Variants in UBQLN4 observed in about 807,000 individuals in gnomAD.
UBQLN4 encodes ubiquilin 4, also known as ubiquilin-4.
In UBQLN4, 11 loss-of-function variants were observed where a neutral mutation model predicts 60.4. The observed-to-expected ratio is 0.18, with a 90% CI of 0.11 to 0.30. The LOEUF (loss-of-function observed/expected upper bound fraction) is 0.30. Ranked by LOEUF, UBQLN4 falls within the 10% of genes least tolerant of loss-of-function variation. The pLI, the probability that UBQLN4 is intolerant of heterozygous loss-of-function variation, is 1.00. For synonymous variants in UBQLN4, 258 were observed against 313.1 expected, an observed-to-expected ratio of 0.82 and a Z score of 1.86; for missense variants, 417 against 795.5, an observed-to-expected ratio of 0.52 and a Z score of 5.72.
chr1:156,033,269 G>A (rs1683325840), downstream of UBQLN4: 1 of 985,352 alleles, frequency 1.0e-6, no homozygotes, highest in Non-Finnish European at 1.2e-6. Flanking sequence ...GGGGCTCCAA[G>A]GAAAGCTCTG....
At position 156,051,093 on chromosome 1, in the gene UBQLN4, C is replaced by T. The variant is rs762009416; in HGVS notation, c.478+17G>A. 47 of 1,610,820 alleles carry T rather than the reference C, an allele frequency of 2.9e-5. No individual in the cohort carries two copies. In the Admixed American group the frequency reaches 7.9e-4, roughly 27 times the overall value. On this transcript the variant is annotated intron_variant, in intron 3 of 10. Transcript: ENST00000368309. ...CCAACCCCAAACAAGATTGTGCTCT[C>T]CTCTCTGAGGGCTTACAGAGTATGG... is the stretch of plus-strand genomic sequence containing the variant.
chr1:156,043,622 A>C (rs985652252), intron 6 of UBQLN4, among the ~76,000 whole-genome samples: 1 of 152,078 alleles, frequency 6.6e-6, no homozygotes, highest in African/African-American at 2.4e-5. Context: ...TCTTCTGTAC[A>C]TGGCAAGCCC....
At chr1:156,052,003 C>T (rs1029890536) in intron 1 of UBQLN4, 146 bp from the exon 2 acceptor site, 1 of 943,788 alleles carries the variant, frequency 1.1e-6, no homozygotes, top group African/African-American at 1.6e-5. Flanking sequence ...GCCATTCCTC[C>T]AGCTGCAATA....
chr1:156,046,141 C>T (rs1000033686), intron 5 of UBQLN4, among the ~76,000 whole-genome samples: 1 of 151,858 alleles, frequency 6.6e-6, no homozygotes, highest in Non-Finnish European at 1.5e-5. Context: ...CCACTACGCT[C>T]CACCAACTTG....
chr1:156,053,592 A>G lies in UBQLN4; in HGVS notation c.108+2T>C. The G allele has an allele frequency of 8.6e-7, 1 of 1,166,302 alleles. No homozygotes were observed. The highest frequency in any genetic ancestry group is 2.6e-5 in the South Asian group (1 of 38,232). The allele number at this position is 1,166,302 out of a possible 1,614,324, so 72.2% of individuals were successfully genotyped here. Reference sequence around the variant, plus strand: ...CCCCCCGCCCCCCGCCTGCTGTACTACCTCCTTGACCGAGGCTCGATCGCA... The same window carrying G: ...CCCCCCGCCCCCCGCCTGCTGTACTGCCTCCTTGACCGAGGCTCGATCGCA... On this transcript the variant is annotated splice_donor_variant, in intron 1 of 10. Coordinates refer to ENST00000368309, the MANE Select transcript of UBQLN4 (RefSeq NM_020131.5). LOFTEE classifies it high-confidence loss of function.
chr1:156,043,928 C>G, intron 6 of UBQLN4, 70 bp downstream of exon 6: 1 of 1,488,576 alleles, frequency 6.7e-7, no homozygotes. Context: ...GCAGTATGAA[C>G]CCCATTCAGT....
rs780042975 is a variant in UBQLN4 at position 156,044,093 on chromosome 1, C to T, written c.1031G>A (p.Gly344Glu). 5 of 1,592,592 alleles carry T rather than the reference C, an allele frequency of 3.1e-6. No individual in the cohort carries two copies. The highest frequency in any genetic ancestry group is 4.3e-6 in the Non-Finnish European group (5 of 1,169,432). The change falls in exon 6 of 11, where the codon GGG (glycine) becomes GAG (glutamate). Residue 344 changes from glycine (G) to glutamate (E), a missense_variant. Gly to Glu is a moderately conservative substitution (Grantham distance 98, BLOSUM62 -2). Transcript: ENST00000368309. ...SPSPPTSQAP[G>E]SGGEGTGGSG... is the part of the protein sequence containing the mutation. ...TCCTCCGGTGCCCTCCCCACCGGAC[C>T]CGGGGGCCTGGGAGGTGGGGGGCGA... is the stretch of plus-strand genomic sequence containing the variant.
At chr1:156,043,594 G>A (rs1683623629) in intron 6 of UBQLN4, among the ~76,000 whole-genome samples, 1 of 152,158 alleles carries the variant, frequency 6.6e-6, no homozygotes, top group Non-Finnish European at 1.5e-5. Flanking sequence ...CTCTAGGGTT[G>A]TGCAGTGCAT....
At chr1:156,044,966 C>T (rs1015993414) in intron 5 of UBQLN4, among the ~76,000 whole-genome samples, 3 of 152,114 alleles carry the variant, frequency 2.0e-5, no homozygotes, top group Non-Finnish European at 4.4e-5. Flanking sequence ...CCTCACTGTG[C>T]TCCCCAGGAT....
intron 10 of UBQLN4, among the ~76,000 whole-genome samples, chr1:156,038,488 C>CG (rs1683463757): frequency 6.6e-6 from 1 of 151,638 alleles, no homozygotes; most frequent in Non-Finnish European, 1.5e-5. Context: ...GGCGATACCC[C>CG]GAGACTAAAG....
At chr1:156,042,298 G>T (rs1683588428) in intron 7 of UBQLN4, 62 bp from the exon 8 acceptor site, 2 of 1,514,144 alleles carry the variant, frequency 1.3e-6, no homozygotes, top group African/African-American at 2.8e-5. Context: ...TTCCCCCACA[G>T]CCTCAGACTC....
At chr1:156,037,951 G>A (rs1416936914) in intron 10 of UBQLN4, among the ~76,000 whole-genome samples, 1 of 152,216 alleles carries the variant, frequency 6.6e-6, no homozygotes, top group African/African-American at 2.4e-5. Context: ...CTTGCACCCA[G>A]GCTGGAATAT....
At chr1:156,053,067 G>A (rs569201087) in intron 1 of UBQLN4, among the ~76,000 whole-genome samples, 91 of 152,264 alleles carry the variant, frequency 6.0e-4, no homozygotes, top group African/African-American at 2.0e-3. Context: ...AGATTTTATT[G>A]AGCACCTACT....
rs1428243066 is a variant in UBQLN4 at position 156,048,468 on chromosome 1, A to C, written c.900+33T>G. The C allele has an allele frequency of 3.8e-6, 6 of 1,578,500 alleles. No individual in the cohort carries two copies. Among genetic ancestry groups the C allele is most frequent in the Non-Finnish European group, 5.2e-6 (6 of 1,153,644 alleles). On this transcript the variant is annotated intron_variant, in intron 5 of 10. Transcript: ENST00000368309. The surrounding 1 kb of genome is among the most constrained non-coding windows in gnomAD (Gnocchi z 4.9). Reference sequence around the variant, plus strand: ...GGGGTAGGGAATCTCGAGCCCAGACAGCCCAACCCACTACCCTGGCCCTTG... The same window carrying C: ...GGGGTAGGGAATCTCGAGCCCAGACCGCCCAACCCACTACCCTGGCCCTTG...
At chr1:156,044,816 G>A (rs546424012) in intron 5 of UBQLN4, among the ~76,000 whole-genome samples, 24 of 152,072 alleles carry the variant, frequency 1.6e-4, no homozygotes, top group Admixed American at 2.6e-4. Context: ...CCACAGTGGC[G>A]GCCCCTAGCA....
At chr1:156,043,961 G>C in intron 6 of UBQLN4, 37 bp downstream of exon 6, 2 of 1,604,290 alleles carry the variant, frequency 1.2e-6, no homozygotes, top group Non-Finnish European at 1.7e-6. Context: ...GGGCTGCCCT[G>C]GTGACCCCAC....
chr1:156,034,929 C>T (rs979595024), downstream of UBQLN4, among the ~76,000 whole-genome samples: 1 of 142,510 alleles, frequency 7.0e-6, no homozygotes. Flanking sequence ...AGTGCAGCGG[C>T]GCAATCACAG....
At position 156,051,182 on chromosome 1, in the gene UBQLN4, G is replaced by T; in HGVS notation, c.406C>A (p.Arg136=). The T allele has an allele frequency of 6.2e-7, 1 of 1,611,704 alleles. No homozygotes were observed. ...SASSDAGSGS[R]RSSGGGPSPG... Reference sequence around the variant, plus strand: ...GAGGGCCCCCCACCACTGCTCCTCCGGCTTCCACTGCCAGCATCTGAAGAG... The same window carrying T: ...GAGGGCCCCCCACCACTGCTCCTCCTGCTTCCACTGCCAGCATCTGAAGAG... Residue 136 remains arginine (R), a synonymous_variant, in exon 3 of 11, where the codon CGG becomes AGG. Coordinates refer to ENST00000368309, the MANE Select transcript of UBQLN4 (RefSeq NM_020131.5).
At position 156,035,377 on chromosome 1, in the gene UBQLN4, G is replaced by A. The variant is rs914850456; in HGVS notation, c.*1601C>T. The A allele has an allele frequency of 2.0e-6, 2 of 984,986 alleles. No homozygotes were observed. Among genetic ancestry groups the A allele is most frequent in the African/African-American group, 3.5e-5 (2 of 57,136 alleles). The allele number at this position is 984,986 out of a possible 1,614,324, so 61.0% of individuals were successfully genotyped here. ...GGAGGCAGGGAGGGAAAGCCACACA[G>A]ACATCTTCTCTGGACTGCTTGGGAC... On this transcript the variant is annotated 3_prime_UTR_variant, in exon 11 of 11. Coordinates refer to ENST00000368309, the MANE Select transcript of UBQLN4 (RefSeq NM_020131.5).
Sources: allele counts gnomAD v4.1 joint callset (sites outside exome capture counted in the v4.1 genomes callset), GRCh38; gene constraint gnomAD v4.1.1; non-coding constraint Gnocchi (gnomAD v3.1); transcripts MANE v1.5; gene names NCBI Gene and HGNC (gene_info 2026-07-23, HGNC 2026-07-21).